PDE1C: variants seen among roughly 807,000 people sequenced by gnomAD.
PDE1C encodes the protein phosphodiesterase 1C, also known as dual specificity calcium/calmodulin-dependent 3',5'-cyclic nucleotide phosphodiesterase 1C.
A neutral mutation model predicts 93.1 loss-of-function variants in PDE1C; 62 were observed. That is an observed-to-expected ratio of 0.67 (90% CI 0.54 to 0.82). The LOEUF is 0.82. PDE1C is among the 40% of genes least tolerant of loss of function. The pLI is 0.00. For missense variants in PDE1C, 742 were observed against 884.6 expected (o/e 0.84, Z 2.04); for synonymous variants, 325 against 310.1 (o/e 1.05, Z -0.50).
intron 2 of PDE1C, among the ~76,000 whole-genome samples, chr7:32,176,934 A>G (rs1030796305): frequency 2.6e-5 from 4 of 152,256 alleles, no homozygotes; most frequent in African/African-American, 9.6e-5. Context: ...TAGAACTATC[A>G]GTGTGAACTC....
chr7:32,143,469 T>C (rs977188080), intron 3 of PDE1C, among the ~76,000 whole-genome samples: 2 of 151,984 alleles, frequency 1.3e-5, no homozygotes, highest in Non-Finnish European at 2.9e-5. Flanking sequence ...TGACCGTGAC[T>C]TTACGTGACT....
the PDE1C span, among the ~76,000 whole-genome samples, chr7:31,662,156 G>A: frequency 1.3e-5 from 2 of 152,190 alleles, no homozygotes; most frequent in Non-Finnish European, 2.9e-5. Context: ...CCCAGACATT[G>A]CCTCTGTTTA....
chr7:32,363,969 T>C (rs753295923), intron 1 of PDE1C, among the ~76,000 whole-genome samples: 2 of 152,238 alleles, frequency 1.3e-5, no homozygotes, highest in Non-Finnish European at 2.9e-5. Context: ...TCATTGTCAT[T>C]TTATAAATGG....
At chr7:32,389,398 G>A (rs1034316377) in intron 1 of PDE1C, among the ~76,000 whole-genome samples, 2 of 152,120 alleles carry the variant, frequency 1.3e-5, no homozygotes, top group African/African-American at 4.8e-5. Flanking sequence ...TGTATTCTTA[G>A]TAGAGACGGG....
intron 14 of PDE1C, among the ~76,000 whole-genome samples, chr7:31,819,561 A>G (rs1038857143): frequency 6.6e-6 from 1 of 152,048 alleles, no homozygotes; most frequent in Non-Finnish European, 1.5e-5. Context: ...TTGGCTTCCC[A>G]TGTCAGACTG....
At chr7:32,128,934 TATATATATATATATATATAA>T (rs1157990496) in intron 3 of PDE1C, among the ~76,000 whole-genome samples, 1,118 of 94,142 alleles carry the variant, frequency 0.012, 40 homozygotes, top group African/African-American at 0.025. Context: ...TATATATATA[TATATATATATATATATATAA>T]AGAAAAATCT....
In PDE1C at chr7:31,837,978, G is replaced by T; in HGVS notation, c.981-7C>A. On this transcript the variant is annotated splice_region_variant and splice_polypyrimidine_tract_variant and intron_variant, in intron 9 of 17. Transcript: ENST00000396191. ...TACCAAGGTTCGAAACTCCCTTTTA[G>T]AGACAACCATGGAGAAAAAAGGATG... 1.3e-6 allele frequency: 2 copies of T among 1,582,452 alleles called. No homozygotes were observed. Among genetic ancestry groups the T allele is most frequent in the Non-Finnish European group, 1.7e-6 (2 of 1,151,742 alleles).
intron 1 of PDE1C, among the ~76,000 whole-genome samples, chr7:32,420,440 A>G (rs1281855175): frequency 6.9e-6 from 1 of 144,536 alleles, no homozygotes; most frequent in African/African-American, 2.6e-5. Flanking sequence ...TGTAATCCCA[A>G]CTACTAGTGA....
intron 2 of PDE1C, among the ~76,000 whole-genome samples, chr7:32,203,181 T>TC (rs1452608224): frequency 6.6e-6 from 1 of 151,274 alleles, no homozygotes; most frequent in Non-Finnish European, 1.5e-5. Context: ...AGCCACACAG[T>TC]CCCCCACTCA....
At chr7:31,847,337 T>C (rs748412890) in intron 9 of PDE1C, among the ~76,000 whole-genome samples, 1 of 152,164 alleles carries the variant, frequency 6.6e-6, no homozygotes, top group Non-Finnish European at 1.5e-5. Flanking sequence ...AACACAGGTA[T>C]GTGCCTAAAT....
At chr7:32,000,106 T>C (rs1055321854) in intron 2 of PDE1C, among the ~76,000 whole-genome samples, 2 of 152,146 alleles carry the variant, frequency 1.3e-5, no homozygotes, top group African/African-American at 4.8e-5. Flanking sequence ...ACTGTGAGGA[T>C]TAAATGACAG....
At chr7:31,770,438 G>C (rs368368827) in intron 17 of PDE1C, among the ~76,000 whole-genome samples, 1 of 152,224 alleles carries the variant, frequency 6.6e-6, no homozygotes, top group South Asian at 2.1e-4. Context: ...TTGTTTGCAC[G>C]TTGTTATGTT....
the PDE1C span, among the ~76,000 whole-genome samples, chr7:31,647,885 C>T: frequency 6.6e-6 from 1 of 151,708 alleles, no homozygotes; most frequent in Admixed American, 6.6e-5. Flanking sequence ...ATTTTTGTGG[C>T]CTTTTTGGGT....
rs1785526973 is a variant in PDE1C, at chr7:32,426,182, T to C, written c.310+1640A>G. 2.6e-5 allele frequency among the ~76,000 whole-genome samples: 4 copies of C among 152,248 alleles called. No homozygotes were observed. The South Asian group carries it at 8.3e-4, about 32-fold the overall frequency. On this transcript the variant is annotated intron_variant, in intron 1 of 1. Transcript: ENST00000672256. ...TGAATTTTCCTTGATAATGCCTTAC[T>C]CTTGTACTATATTTATGATTTGCAA...
At chr7:31,776,687 A>C (rs937278102) in intron 16 of PDE1C, among the ~76,000 whole-genome samples, 2 of 152,162 alleles carry the variant, frequency 1.3e-5, no homozygotes, top group Admixed American at 6.5e-5. Context: ...ATAAATATTT[A>C]TTTATTCATT....
intron 1 of PDE1C, among the ~76,000 whole-genome samples, chr7:32,408,846 T>C (rs963740854): frequency 6.6e-6 from 1 of 152,056 alleles, no homozygotes; most frequent in Admixed American, 6.6e-5. Context: ...AACTCTAAAT[T>C]AATAAAGTTT....
intron 1 of PDE1C, among the ~76,000 whole-genome samples, chr7:32,338,527 T>C (rs1040639400): frequency 6.6e-6 from 1 of 152,192 alleles, no homozygotes; most frequent in African/African-American, 2.4e-5. Flanking sequence ...AGCTCTTGTA[T>C]ATTCTTGGTA....
chr7:31,908,782 G>C (rs1459718906), intron 2 of PDE1C, among the ~76,000 whole-genome samples: 4 of 152,148 alleles, frequency 2.6e-5, no homozygotes, highest in Non-Finnish European at 5.9e-5. Context: ...TGTCCACTTG[G>C]CTAGGTTACA....
At chr7:31,745,914 G>C in the PDE1C span, among the ~76,000 whole-genome samples, 1 of 152,154 alleles carries the variant, frequency 6.6e-6, no homozygotes, top group East Asian at 1.9e-4. Flanking sequence ...TTTATGCTGA[G>C]TATGGTGGGC....
Sources: gnomAD v4.1 joint callset for allele counts (sites outside exome capture counted in the v4.1 genomes callset) on GRCh38, gnomAD v4.1.1 for gene constraint, MANE v1.5 for transcripts, NCBI Gene and HGNC (gene_info 2026-07-23, HGNC 2026-07-21) for gene names.